The following PATE1 variants were observed in gnomAD, a reference collection of about 807,000 sequenced individuals.
The protein encoded by PATE1 is prostate and testis expressed protein 1.
A neutral mutation model predicts 13.1 loss-of-function variants in PATE1; 21 were observed. The ratio of observed to expected loss-of-function variants is 1.61; its 90% CI spans 1.14 to 2.31. The LOEUF (loss-of-function observed/expected upper bound fraction) is 2.31, where lower values mean the gene tolerates loss of function less well. Ranked by LOEUF, PATE1 falls within the 30% of genes most tolerant of loss-of-function variation. PATE1 has a pLI of 0.00. For missense variants in PATE1, 166 were observed against 147.2 expected (o/e 1.13, Z -0.66); for synonymous variants, 52 against 47.1 (o/e 1.10, Z -0.43).
Position 125,748,990 on chromosome 11 carries a change from A to C in PATE1, c.*257A>C. On this transcript the variant is annotated 3_prime_UTR_variant, in exon 5 of 5. Transcript: ENST00000305738. ...CAATATATCCTGCAGGTTGCTACAA[A>C]CCCTTGTGCTTTCACTGTATAGCCA... is the stretch of plus-strand genomic sequence containing the variant. 2.8e-6 allele frequency: 1 copy of C among 351,970 alleles called. No individual in the cohort carries two copies. Among genetic ancestry groups the C allele is most frequent in the Non-Finnish European group, 5.1e-6 (1 of 197,970 alleles). 21.8% of individuals were successfully genotyped at this position (351,970 alleles called of 1,614,324 possible). A position where few individuals can be genotyped will look rare whatever the true frequency, so the allele number is the denominator to read the frequency against.
chr11:125,746,586 A>C (rs570761808), intron 1 of PATE1, 75 bp from the exon 2 acceptor site: 3 of 1,558,860 alleles, frequency 1.9e-6, no homozygotes, highest in South Asian at 2.2e-5. Context: ...AATTGAGTGG[A>C]TGTTCATAGA....
Position 125,748,729 on chromosome 11 carries a change from T to G in PATE1, c.377T>G (p.Leu126Arg). Residue 126 changes from leucine to arginine, a missense_variant, in exon 5 of 5, where the codon CTT becomes CGT. By Grantham distance (102) the Leu-to-Arg change is moderately radical. Coordinates refer to ENST00000305738, the MANE Select transcript of PATE1 (RefSeq NM_138294.3). Reference sequence around the variant, plus strand: ...AGCCATGACCTGTGCAATGAAGACCTTTAGAAGTTAATGGTTCTTCTGTGA... The same window carrying G: ...AGCCATGACCTGTGCAATGAAGACCGTTAGAAGTTAATGGTTCTTCTGTGA... ...CRSHDLCNED[L>R] 1 of 1,612,822 alleles carries G rather than the reference T, an allele frequency of 6.2e-7. No homozygotes were observed. Among genetic ancestry groups the G allele is most frequent in the South Asian group, 1.1e-5 (1 of 90,674 alleles).
intron 1 of PATE1, 87 bp downstream of exon 1, chr11:125,746,443 C>T (rs749806608): frequency 6.9e-7 from 1 of 1,450,812 alleles, no homozygotes; most frequent in Non-Finnish European, 9.6e-7. Flanking sequence ...TCATGGGAGT[C>T]CTATGGCAAC....
At chr11:125,748,517 T>G in intron 4 of PATE1, 83 bp from the exon 5 acceptor site, 1 of 1,452,980 alleles carries the variant, frequency 6.9e-7, no homozygotes, top group Non-Finnish European at 9.3e-7. Context: ...ATTATTTCTA[T>G]ATGTTGGTGT....
Position 125,746,279 on chromosome 11 carries a change from G to A in PATE1, c.-26G>A. Reference sequence around the variant, plus strand: ...ATAGGCACTCTCGAAGCTTCGTGCTGTAGCCTGGCCCTCCCTCTTTCCAAA... The same window carrying A: ...ATAGGCACTCTCGAAGCTTCGTGCTATAGCCTGGCCCTCCCTCTTTCCAAA... On this transcript the variant is annotated 5_prime_UTR_variant, in exon 1 of 5. Transcript: ENST00000305738. 2 of 1,612,426 alleles carry A rather than the reference G, an allele frequency of 1.2e-6. No homozygotes were observed. The highest frequency in any genetic ancestry group is 1.7e-6 in the Non-Finnish European group (2 of 1,178,562).
intron 4 of PATE1, 34 bp from the exon 5 acceptor site, chr11:125,748,566 A>G: frequency 1.2e-6 from 2 of 1,601,034 alleles, no homozygotes; most frequent in Non-Finnish European, 1.7e-6. Context: ...TTTCATGGCC[A>G]GGCTTCCTGA....
intron 3 of PATE1, 51 bp downstream of exon 3, chr11:125,747,462 C>G (rs1290550070): frequency 2.0e-6 from 3 of 1,520,644 alleles, no homozygotes; most frequent in Non-Finnish European, 2.7e-6. Context: ...TAATGTTTCA[C>G]TTTTCCTTAT....
In PATE1 at chr11:125,748,615, G is replaced by T; in HGVS notation, c.263G>T (p.Trp88Leu). Reference protein sequence around the residue: ...GRMFKRDGNPWLTFMGCLKNC... With the variant: ...GRMFKRDGNPLLTFMGCLKNC... ...CCCTCCACAGGGGATGGTAATCCCT[G>T]GTTAACCTTCATGGGCTGCCTAAAG... The change falls in exon 5 of 5, where the codon TGG becomes TTG. Residue 88 changes from tryptophan (W) to leucine (L), a missense_variant. By Grantham distance (61) the Trp-to-Leu change is moderately conservative (BLOSUM62 -2). Transcript: ENST00000305738. The T allele has an allele frequency of 1.2e-6, 2 of 1,613,704 alleles. No individual in the cohort carries two copies. Among genetic ancestry groups the T allele is most frequent in the Non-Finnish European group, 1.7e-6 (2 of 1,179,828 alleles).
intron 3 of PATE1, 72 bp from the exon 4 acceptor site, chr11:125,747,628 C>T: frequency 6.3e-7 from 1 of 1,594,848 alleles, no homozygotes; most frequent in Admixed American, 1.7e-5. Flanking sequence ...ACTTCTAACC[C>T]AAAAGGGGAG....
At chr11:125,746,504 GT>G in intron 1 of PATE1, 148 bp downstream of exon 1, 1 of 1,278,732 alleles carries the variant, frequency 7.8e-7, no homozygotes, top group Admixed American at 1.8e-5. Flanking sequence ...CCAGGGGTAT[GT>G]CATGTCCCCA....
At chr11:125,748,018 C>T in intron 4 of PATE1, 196 bp downstream of exon 4, 1 of 706,240 alleles carries the variant, frequency 1.4e-6, no homozygotes, top group Non-Finnish European at 2.3e-6. Flanking sequence ...TGGGGGCCTA[C>T]AGCTAAGGGA....
chr11:125,747,757 C>A lies in PATE1; in HGVS notation c.182C>A (p.Ser61Tyr). ...CHLQFPGEKC[S>Y]RGRGICTATT... ...CTCCAGTTCCCAGGAGAAAAGTGCT[C>A]CAGAGGAAGAGGAATATGCACAGCA... Residue 61 changes from serine to tyrosine, a missense_variant, in exon 4 of 5, where the codon TCC becomes TAC. Physicochemically the swap from Ser to Tyr is moderately radical, Grantham distance 144. Coordinates refer to ENST00000305738, the MANE Select transcript of PATE1 (RefSeq NM_138294.3). The A allele has an allele frequency of 6.2e-7, 1 of 1,613,790 alleles. No homozygotes were observed. Among genetic ancestry groups the A allele is most frequent in the South Asian group, 1.1e-5 (1 of 91,082 alleles).
In PATE1 at chr11:125,747,375, G is replaced by T. The variant is rs750192693; in HGVS notation, c.89-1G>T. The T allele has an allele frequency of 3.1e-6, 5 of 1,611,672 alleles. No homozygotes were observed. The East Asian group carries it at 8.9e-5, about 29-fold the overall frequency. ...GTGTTTTCTTTCTCTTGCCAGTACA[G>T]TCAATGAAATAGTTGCTGTGAAAAA... On this transcript the variant is annotated splice_acceptor_variant, in intron 2 of 4. Coordinates refer to ENST00000305738, the MANE Select transcript of PATE1 (RefSeq NM_138294.3). LOFTEE classifies it high-confidence loss of function.
In PATE1 at chr11:125,746,357, G is replaced by C. The variant is rs531287501; in HGVS notation, c.52+1G>C. 13 of 1,613,686 alleles carry C rather than the reference G, an allele frequency of 8.1e-6. No homozygotes were observed. Among genetic ancestry groups the C allele is most frequent in the South Asian group, 1.1e-5 (1 of 91,072 alleles). On this transcript the variant is annotated splice_donor_variant, in intron 1 of 4. Transcript: ENST00000305738. LOFTEE classifies it high-confidence loss of function. ...CCCATCCTGCTCTGCTGCTTTAGGGGTGAGTCCCTAGGGTTGACAGCTGGT... is the reference window on the plus strand; with the variant it reads ...CCCATCCTGCTCTGCTGCTTTAGGGCTGAGTCCCTAGGGTTGACAGCTGGT...
Position 125,748,892 on chromosome 11 carries a change from C to A in PATE1, c.*159C>A. 1 of 826,970 alleles carries A rather than the reference C, an allele frequency of 1.2e-6. No individual in the cohort carries two copies. Among genetic ancestry groups the A allele is most frequent in the African/African-American group, 1.7e-5 (1 of 57,982 alleles). 51.2% of individuals were successfully genotyped at this position (826,970 alleles called of 1,614,324 possible). On this transcript the variant is annotated 3_prime_UTR_variant, in exon 5 of 5. Transcript: ENST00000305738. ...TCTTCTGCACACGAAAGGAAAGTCC[C>A]TCTCCTTTTCTACAGTCTCTGTCAC...
intron 2 of PATE1, among the ~76,000 whole-genome samples, chr11:125,747,030 C>A (rs1943278251): frequency 6.6e-6 from 1 of 152,142 alleles, no homozygotes; most frequent in Admixed American, 6.6e-5. Context: ...TCCCCATTGT[C>A]AGATTCCAGG....
chr11:125,748,499 T>C (rs74575061), intron 4 of PATE1, 101 bp from the exon 5 acceptor site: 153,409 of 1,367,062 alleles, frequency 0.11, 9,228 homozygotes, highest in East Asian at 0.2. Flanking sequence ...AGCTTTGAAC[T>C]ACACAAGATT....
Position 125,746,363 on chromosome 11 carries a change from C to G in PATE1, c.52+7C>G. The G allele has an allele frequency of 6.2e-7, 1 of 1,613,474 alleles. No homozygotes were observed. The highest frequency in any genetic ancestry group is 8.5e-7 in the Non-Finnish European group (1 of 1,179,514). ...CTGCTCTGCTGCTTTAGGGGTGAGT[C>G]CCTAGGGTTGACAGCTGGTAAGAGT... is the stretch of plus-strand genomic sequence containing the variant. On this transcript the variant is annotated splice_region_variant and intron_variant, in intron 1 of 4. Transcript: ENST00000305738.
intron 1 of PATE1, 32 bp downstream of exon 1, chr11:125,746,388 T>G (rs1285067827): frequency 1.2e-6 from 2 of 1,608,738 alleles, no homozygotes; most frequent in Non-Finnish European, 1.7e-6. Flanking sequence ...CTGGTAAGAG[T>G]CCTGAATTTA....
Sources: allele counts gnomAD v4.1 joint callset (sites outside exome capture counted in the v4.1 genomes callset), GRCh38; gene constraint gnomAD v4.1.1; transcripts MANE v1.5; gene names NCBI Gene and HGNC (gene_info 2026-07-23, HGNC 2026-07-21).